The following LRRTM4 variants were observed in gnomAD, a reference collection of about 807,000 sequenced individuals.
LRRTM4 encodes the protein leucine rich repeat transmembrane neuronal 4.
LRRTM4 carries 25 observed loss-of-function variants against 47.6 expected under a neutral mutation model. That is an observed-to-expected ratio of 0.53 (90% confidence interval 0.38 to 0.73). The LOEUF (loss-of-function observed/expected upper bound fraction) is 0.73, where lower values mean the gene tolerates loss of function less well. LRRTM4 is among the 30% of genes least tolerant of loss of function. The pLI is 0.00. For synonymous variants in LRRTM4, 311 were observed against 269.5 expected, an observed-to-expected ratio of 1.15 and a Z score of -1.51; for missense variants, 638 against 713.4, an observed-to-expected ratio of 0.89 and a Z score of 1.20.
chr2:77,124,727 G>C (rs1671609981), intron 3 of LRRTM4, among the ~76,000 whole-genome samples: 1 of 152,144 alleles, frequency 6.6e-6, no homozygotes, highest in Non-Finnish European at 1.5e-5. Flanking sequence ...CCATCAGCAT[G>C]ATGTGCGTCG....
intron 3 of LRRTM4, among the ~76,000 whole-genome samples, chr2:77,166,412 A>G (rs574378801): frequency 2.2e-4 from 34 of 152,334 alleles, no homozygotes; most frequent in African/African-American, 8.2e-4. Flanking sequence ...TGTCATCCCC[A>G]TCAAGCTACC....
intron 3 of LRRTM4, among the ~76,000 whole-genome samples, chr2:77,485,986 G>C (rs1036577186): frequency 1.3e-5 from 2 of 151,858 alleles, no homozygotes; most frequent in African/African-American, 4.8e-5. Flanking sequence ...CTATCCGTCT[G>C]CCTCAGCCTC....
intron 3 of LRRTM4, among the ~76,000 whole-genome samples, chr2:77,188,060 G>A (rs1673560370): frequency 6.6e-6 from 1 of 152,014 alleles, no homozygotes; most frequent in African/African-American, 2.4e-5. Context: ...TTAAAAATTA[G>A]TGTGATGACT....
chr2:77,017,165 C>T (rs897239432), intron 3 of LRRTM4, among the ~76,000 whole-genome samples: 1 of 152,134 alleles, frequency 6.6e-6, no homozygotes, highest in Non-Finnish European at 1.5e-5. Context: ...TAGATGAGGA[C>T]ATCACGGCCA....
intron 3 of LRRTM4, among the ~76,000 whole-genome samples, chr2:76,904,391 T>C (rs1047417425): frequency 1.3e-5 from 2 of 152,206 alleles, no homozygotes; most frequent in African/African-American, 2.4e-5. Context: ...GGACAGGAAA[T>C]CCTTCCGACT....
At chr2:76,894,918 CTCAT>C (rs1673364096) in intron 3 of LRRTM4, among the ~76,000 whole-genome samples, 1 of 150,972 alleles carries the variant, frequency 6.6e-6, no homozygotes, top group South Asian at 2.1e-4. Flanking sequence ...CTAGATACAA[CTCAT>C]TAATAATTTA....
intron 3 of LRRTM4, among the ~76,000 whole-genome samples, chr2:76,835,038 T>TAAG (rs1174028604): frequency 2.6e-5 from 4 of 152,234 alleles, no homozygotes; most frequent in Admixed American, 2.0e-4. Flanking sequence ...AAGGAAGACA[T>TAAG]AAGACCAATA....
chr2:77,071,278 CCAA>C (rs1257399853), intron 3 of LRRTM4, among the ~76,000 whole-genome samples: 1 of 152,082 alleles, frequency 6.6e-6, no homozygotes, highest in East Asian at 1.9e-4. Flanking sequence ...TCAGAATGCT[CCAA>C]CAACAAAAAT....
chr2:76,833,847 CTATT>C (rs1671427997), intron 3 of LRRTM4, among the ~76,000 whole-genome samples: 1 of 151,294 alleles, frequency 6.6e-6, no homozygotes, highest in Admixed American at 6.6e-5. Context: ...ATATACTGTG[CTATT>C]TAATCACAAA....
intron 3 of LRRTM4, among the ~76,000 whole-genome samples, chr2:76,794,905 T>A (rs539337495): frequency 2.0e-5 from 3 of 152,050 alleles, no homozygotes; most frequent in African/African-American, 4.8e-5. Flanking sequence ...TGTAGAAAAA[T>A]TAAGATTTAA....
intron 3 of LRRTM4, among the ~76,000 whole-genome samples, chr2:77,084,640 C>G (rs1318714217): frequency 6.6e-6 from 1 of 152,136 alleles, no homozygotes; most frequent in African/African-American, 2.4e-5. Context: ...TGATTTTGGT[C>G]TGCCATTGAC....
At chr2:76,938,061 AT>A (rs1385535236) in intron 3 of LRRTM4, among the ~76,000 whole-genome samples, 1 of 152,092 alleles carries the variant, frequency 6.6e-6, no homozygotes, top group African/African-American at 2.4e-5. Flanking sequence ...GAATTATCAA[AT>A]AATTATCTTT....
intron 3 of LRRTM4, among the ~76,000 whole-genome samples, chr2:76,951,723 T>A (rs545149023): frequency 1.3e-5 from 2 of 152,048 alleles, no homozygotes; most frequent in South Asian, 4.1e-4. Context: ...TATCAACCCA[T>A]CATCTAGTTT....
chr2:77,076,878 C>G (rs986479024), intron 3 of LRRTM4, among the ~76,000 whole-genome samples: 2 of 152,132 alleles, frequency 1.3e-5, no homozygotes, highest in African/African-American at 4.8e-5. Flanking sequence ...ATTATAAGTA[C>G]TAAAATTTAC....
chr2:77,340,064 T>A (rs1357954125), intron 3 of LRRTM4, among the ~76,000 whole-genome samples: 1 of 151,984 alleles, frequency 6.6e-6, no homozygotes, highest in East Asian at 1.9e-4. Flanking sequence ...ATTATACTGG[T>A]AGATTTTTAA....
intron 3 of LRRTM4, among the ~76,000 whole-genome samples, chr2:77,246,743 G>A (rs1397843640): frequency 6.6e-6 from 1 of 151,804 alleles, no homozygotes; most frequent in Non-Finnish European, 1.5e-5. Context: ...ATATATATAT[G>A]GATGTGTGTA....
At chr2:77,516,194 A>G (rs546011275) in intron 3 of LRRTM4, among the ~76,000 whole-genome samples, 50 of 152,034 alleles carry the variant, frequency 3.3e-4, no homozygotes, top group Non-Finnish European at 5.8e-4. Context: ...TAATGCCTTA[A>G]CAACACATTC....
At chr2:77,207,165 G>T (rs1475506912) in intron 3 of LRRTM4, among the ~76,000 whole-genome samples, 3 of 131,176 alleles carry the variant, frequency 2.3e-5, no homozygotes, top group Non-Finnish European at 3.2e-5. Context: ...TATATATATA[G>T]AAAATTTCAA....
intron 3 of LRRTM4, among the ~76,000 whole-genome samples, chr2:77,040,433 G>A (rs1678988459): frequency 6.6e-6 from 1 of 151,286 alleles, no homozygotes; most frequent in Non-Finnish European, 1.5e-5. Context: ...GAAAGAGATT[G>A]TCAAATTGAT....
Sources: allele counts gnomAD v4.1 joint callset (sites outside exome capture counted in the v4.1 genomes callset), GRCh38; gene constraint gnomAD v4.1.1; transcripts MANE v1.5; gene names NCBI Gene and HGNC (gene_info 2026-07-23, HGNC 2026-07-21).